TRPC4: variants seen among roughly 807,000 people sequenced by gnomAD.
The protein encoded by TRPC4 is transient receptor potential cation channel subfamily C member 4.
A neutral mutation model predicts 99.4 loss-of-function variants in TRPC4; 49 were observed. The ratio of observed to expected loss-of-function variants is 0.49; its 90% CI spans 0.39 to 0.63. The LOEUF (loss-of-function observed/expected upper bound fraction) is 0.63, where lower values mean the gene tolerates loss of function less well. Among genes scored for constraint, TRPC4 ranks in the 20% least tolerant of loss-of-function variants. The pLI is 0.00. For missense variants in TRPC4, 898 were observed against 1,152.9 expected (o/e 0.78, Z 3.20); for synonymous variants, 454 against 425.9 (o/e 1.07, Z -0.81).
At chr13:37,783,971 G>A (rs2139354792) in intron 1 of TRPC4, among the ~76,000 whole-genome samples, 1 of 152,168 alleles carries the variant, frequency 6.6e-6, no homozygotes, top group South Asian at 2.1e-4. Flanking sequence ...GCCTCCCAAA[G>A]TGCCGGAATT....
intron 4 of TRPC4, among the ~76,000 whole-genome samples, chr13:37,683,153 T>C (rs942226500): frequency 2.6e-5 from 4 of 151,792 alleles, no homozygotes; most frequent in African/African-American, 9.7e-5. Context: ...CTAAGTCAAG[T>C]CTAAGGGAGA....
chr13:37,809,183 A>G (rs995825941), intron 1 of TRPC4, among the ~76,000 whole-genome samples: 6 of 152,066 alleles, frequency 3.9e-5, no homozygotes, highest in Admixed American at 1.3e-4. Flanking sequence ...AAATTAGGTC[A>G]ATGTAGGATG....
At chr13:37,644,695 TCCG>T (rs1951816615) in intron 8 of TRPC4, among the ~76,000 whole-genome samples, 1 of 151,722 alleles carries the variant, frequency 6.6e-6, no homozygotes, top group Admixed American at 6.6e-5. Flanking sequence ...ACGGTGAAAC[TCCG>T]TCTCTACTAA....
At position 37,756,982 on chromosome 13, in the gene TRPC4, T is replaced by C. The variant is rs117622667; in HGVS notation, c.379-10527A>G. Among the ~76,000 whole-genome samples the C allele has an allele frequency of 3.9e-3, 593 of 152,162 alleles. 6 individuals are homozygous for C. The highest frequency in any genetic ancestry group is 0.033 in the South Asian group (159 of 4,820). ...AAATTTTTGTGTGCCATGGATTTCT[T>C]TGGAGATCTGAAGCATCCTGTGGAC... On this transcript the variant is annotated intron_variant, in intron 2 of 10. Coordinates refer to ENST00000379705, the MANE Select transcript of TRPC4 (RefSeq NM_016179.4).
Position 37,655,112 on chromosome 13 carries a change from C to T in TRPC4, c.1860G>A (p.Met620Ile), listed in dbSNP as rs766592442. 1.9e-6 allele frequency: 3 copies of T among 1,573,394 alleles called. No individual in the cohort carries two copies. The highest frequency in any genetic ancestry group is 1.4e-5 in the African/African-American group (1 of 73,228). Residue 620 changes from methionine (M) to isoleucine (I), a missense_variant, in exon 7 of 11, where the codon ATG becomes ATA. By Grantham distance (10) the Met-to-Ile change is conservative. Transcript: ENST00000379705. ...CAGCAATCAGTTGGTAAGAATTATT[C>T]ATCATAGCTATTAACATGTTGAGTA... ...VVLLNMLIAM[M>I]NNSYQLIADH...
At chr13:37,685,448 T>C (rs1316661754) in intron 4 of TRPC4, among the ~76,000 whole-genome samples, 1 of 152,200 alleles carries the variant, frequency 6.6e-6, no homozygotes, top group Admixed American at 6.5e-5. Flanking sequence ...ACATCATTTA[T>C]TATGATTAAG....
chr13:37,756,176 GCA>G (rs1009308890), intron 2 of TRPC4, among the ~76,000 whole-genome samples: 2 of 152,094 alleles, frequency 1.3e-5, no homozygotes, highest in African/African-American at 4.8e-5. Context: ...GTACATGTGT[GCA>G]CACACACATA....
intron 1 of TRPC4, among the ~76,000 whole-genome samples, chr13:37,842,329 T>G: frequency 1.5e-5 from 1 of 67,610 alleles, no homozygotes; most frequent in Admixed American, 2.5e-4. Context: ...TAGCAATTAA[T>G]GATAGCGTCT....
intron 4 of TRPC4, among the ~76,000 whole-genome samples, chr13:37,689,275 T>C (rs942436851): frequency 3.0e-4 from 45 of 152,126 alleles, no homozygotes; most frequent in African/African-American, 1.1e-3. Context: ...CTCCTAGTGG[T>C]AGAACCTGGG....
chr13:37,799,907 C>T (rs1289476002), intron 1 of TRPC4, among the ~76,000 whole-genome samples: 1 of 152,194 alleles, frequency 6.6e-6, no homozygotes, highest in Non-Finnish European at 1.5e-5. Context: ...TCTTCTGCTA[C>T]TTAGCCTAGG....
chr13:37,639,753 A>ATATATG (rs1158095416), intron 8 of TRPC4, among the ~76,000 whole-genome samples: 2 of 151,066 alleles, frequency 1.3e-5, no homozygotes, highest in East Asian at 3.9e-4. Context: ...TCATATATAT[A>ATATATG]TATATATAAT....
intron 4 of TRPC4, among the ~76,000 whole-genome samples, chr13:37,680,573 T>C (rs1009216082): frequency 6.6e-6 from 1 of 152,180 alleles, no homozygotes; most frequent in Non-Finnish European, 1.5e-5. Flanking sequence ...CCATGAGAGA[T>C]GAAAAACTGC....
chr13:37,661,687 A>C (rs1335403943), intron 6 of TRPC4, among the ~76,000 whole-genome samples: 1 of 152,126 alleles, frequency 6.6e-6, no homozygotes, highest in Non-Finnish European at 1.5e-5. Flanking sequence ...AGACAGACAA[A>C]GATTGTTAGA....
At chr13:37,738,402 C>A (rs1300146458) in intron 3 of TRPC4, among the ~76,000 whole-genome samples, 1 of 152,114 alleles carries the variant, frequency 6.6e-6, no homozygotes, top group African/African-American at 2.4e-5. Context: ...GACCCATTGT[C>A]TTCTCTCCCT....
At chr13:37,753,462 T>C (rs563969294) in intron 2 of TRPC4, among the ~76,000 whole-genome samples, 1 of 151,886 alleles carries the variant, frequency 6.6e-6, no homozygotes, top group African/African-American at 2.4e-5. Flanking sequence ...TAAAGAAGGC[T>C]GATAGCTATT....
intron 1 of TRPC4, among the ~76,000 whole-genome samples, chr13:37,851,897 C>G (rs562645342): frequency 1.1e-4 from 17 of 152,278 alleles, no homozygotes; most frequent in African/African-American, 4.1e-4. Flanking sequence ...GGAGAGTAAG[C>G]CTTGCTGGAC....
chr13:37,833,838 A>C (rs1958488997), intron 1 of TRPC4, among the ~76,000 whole-genome samples: 1 of 152,156 alleles, frequency 6.6e-6, no homozygotes, highest in Non-Finnish European at 1.5e-5. Context: ...TAATTTTAAC[A>C]AAAAAATGGA....
chr13:37,716,443 A>C (rs1276666243), intron 3 of TRPC4, among the ~76,000 whole-genome samples: 1 of 152,232 alleles, frequency 6.6e-6, no homozygotes, highest in African/African-American at 2.4e-5. Flanking sequence ...AGGTTTCTTT[A>C]CCATACATTT....
At chr13:37,760,706 A>AT (rs797004507) in intron 2 of TRPC4, among the ~76,000 whole-genome samples, 76 of 151,924 alleles carry the variant, frequency 5.0e-4, no homozygotes, top group Admixed American at 2.9e-3. Context: ...ACATTATGAG[A>AT]TTTTTTTGCA....
Sources: gnomAD v4.1 joint callset for allele counts (sites outside exome capture counted in the v4.1 genomes callset) on GRCh38, gnomAD v4.1.1 for gene constraint, MANE v1.5 for transcripts, NCBI Gene and HGNC (gene_info 2026-07-23, HGNC 2026-07-21) for gene names.